The following DNM1L variants were observed in gnomAD, a reference collection of about 807,000 sequenced individuals.
DNM1L encodes dynamin-1-like protein.
In DNM1L, 33 loss-of-function variants were observed where a neutral mutation model predicts 92.8. The observed-to-expected ratio is 0.36, with a 90% confidence interval of 0.27 to 0.48. The LOEUF (loss-of-function observed/expected upper bound fraction) is 0.48. Ranked by LOEUF, DNM1L falls within the 20% of genes least tolerant of loss-of-function variation. The pLI, the probability that DNM1L is intolerant of heterozygous loss-of-function variation, is 0.99. For synonymous variants in DNM1L, 284 were observed against 305.0 expected, an observed-to-expected ratio of 0.93 and a Z score of 0.72; for missense variants, 485 against 888.8, an observed-to-expected ratio of 0.55 and a Z score of 5.78.
chr12:32,701,065 G>C lies in DNM1L; in HGVS notation c.103-350G>C, dbSNP rs138104138. Among the ~76,000 whole-genome samples the C allele has an allele frequency of 4.5e-3, 687 of 152,104 alleles. 8 individuals are homozygous for C. The highest frequency in any genetic ancestry group is 0.016 in the African/African-American group (646 of 41,492). On this transcript the variant is annotated intron_variant, in intron 1 of 19. Transcript: ENST00000549701. The stretch of plus-strand genomic sequence containing the variant: ...TGAGGCAGGTGGATCACCTGAGGTC[G>C]GGAGTTCGAGACCAGCCTAATCAAC...
Position 32,679,306 on chromosome 12 carries a change from C to A in DNM1L, c.-58C>A. 1 of 1,229,936 alleles carries A rather than the reference C, an allele frequency of 8.1e-7. No individual in the cohort carries two copies. Among genetic ancestry groups the A allele is most frequent in the Non-Finnish European group, 1.2e-6 (1 of 842,064 alleles). The allele number at this position is 1,229,936 out of a possible 1,614,324, so 76.2% of individuals were successfully genotyped here. A position where few individuals can be genotyped will look rare whatever the true frequency, so the allele number is the denominator to read the frequency against. ...GAGGAGGAAGGAGGCGAACTGTGGGCCCCGGCCCCATTCATTGCCGTGGCC... is the reference window on the plus strand; with the variant it reads ...GAGGAGGAAGGAGGCGAACTGTGGGACCCGGCCCCATTCATTGCCGTGGCC... On this transcript the variant is annotated 5_prime_UTR_variant, in exon 1 of 20. Coordinates refer to ENST00000549701, the MANE Select transcript of DNM1L (RefSeq NM_012062.5).
intron 12 of DNM1L, chr12:32,732,698 C>A: frequency 2.4e-6 from 1 of 417,032 alleles, no homozygotes; most frequent in Non-Finnish European, 4.7e-6. Flanking sequence ...AATCATTGGA[C>A]CTTCATTTTA....
intron 2 of DNM1L, among the ~76,000 whole-genome samples, chr12:32,703,202 C>T (rs896059621): frequency 1.3e-5 from 2 of 151,936 alleles, no homozygotes; most frequent in African/African-American, 4.8e-5. Flanking sequence ...TTTCAGCTAT[C>T]GTAGTGTCAG....
chr12:32,741,515 C>T (rs893654499), intron 18 of DNM1L, among the ~76,000 whole-genome samples: 1 of 152,288 alleles, frequency 6.6e-6, no homozygotes, highest in Non-Finnish European at 1.5e-5. Flanking sequence ...GAACTCCTGA[C>T]GTCAGGTGAT....
chr12:32,735,121 T>A (rs1028112493), intron 13 of DNM1L, among the ~76,000 whole-genome samples: 1 of 152,252 alleles, frequency 6.6e-6, no homozygotes, highest in African/African-American at 2.4e-5. Flanking sequence ...GCGGTAGTTC[T>A]GTTACACTGA....
intron 2 of DNM1L, chr12:32,707,124 G>T: frequency 2.4e-6 from 1 of 411,398 alleles, no homozygotes; most frequent in East Asian, 4.0e-5. Context: ...AGACCTGTGA[G>T]CAGCTCTGCC....
At chr12:32,702,067 C>G (rs955102376) in intron 2 of DNM1L, among the ~76,000 whole-genome samples, 1 of 151,328 alleles carries the variant, frequency 6.6e-6, no homozygotes, top group Non-Finnish European at 1.5e-5. Context: ...AACCCCGTCT[C>G]TGCTAAAAAT....
In DNM1L at chr12:32,730,939, T is replaced by G. The variant is rs1954515546; in HGVS notation, c.1080-75T>G. 12 of 1,600,564 alleles carry G rather than the reference T, an allele frequency of 7.5e-6. No individual in the cohort carries two copies. In the South Asian group the frequency reaches 1.3e-4, roughly 18 times the overall value. ...CAGAAAATAAGATGAGCTTAAAGCTTCTAGAAAGACTTCTAACTTGTATCT... is the reference window on the plus strand; with the variant it reads ...CAGAAAATAAGATGAGCTTAAAGCTGCTAGAAAGACTTCTAACTTGTATCT... On this transcript the variant is annotated intron_variant, in intron 9 of 19. Coordinates refer to ENST00000549701, the MANE Select transcript of DNM1L (RefSeq NM_012062.5).
chr12:32,700,771 A>C (rs763539058), intron 1 of DNM1L, among the ~76,000 whole-genome samples: 5 of 152,126 alleles, frequency 3.3e-5, no homozygotes, highest in Non-Finnish European at 7.3e-5. Context: ...AGAAGGTTAG[A>C]GAAAAAGATA....
At chr12:32,679,521 G>T in intron 1 of DNM1L, 56 bp downstream of exon 1, 2 of 1,543,138 alleles carry the variant, frequency 1.3e-6, no homozygotes, top group Non-Finnish European at 8.9e-7. Flanking sequence ...GGCCTGGTCG[G>T]TGCTGCGGCA....
chr12:32,733,555 C>A, intron 12 of DNM1L, 160 bp from the exon 13 acceptor site: 2 of 640,704 alleles, frequency 3.1e-6, no homozygotes, highest in African/African-American at 1.8e-5. Context: ...TATTGTTTGG[C>A]ATAAGATTTA....
At chr12:32,718,296 T>C (rs1411183569) in intron 6 of DNM1L, among the ~76,000 whole-genome samples, 1 of 151,260 alleles carries the variant, frequency 6.6e-6, no homozygotes, top group Non-Finnish European at 1.5e-5. Context: ...CGTCTGCCAC[T>C]GTGCCTGGCT....
At chr12:32,708,511 A>G (rs1565508635) in intron 4 of DNM1L, among the ~76,000 whole-genome samples, 1 of 152,148 alleles carries the variant, frequency 6.6e-6, no homozygotes, top group Non-Finnish European at 1.5e-5. Context: ...ATGCCACATT[A>G]TTATATAATT....
At chr12:32,739,120 A>G (rs1236009582) in intron 16 of DNM1L, among the ~76,000 whole-genome samples, 1 of 151,996 alleles carries the variant, frequency 6.6e-6, no homozygotes, top group Non-Finnish European at 1.5e-5. Context: ...TACTACTTAT[A>G]TTTAAATGTA....
At chr12:32,726,897 C>T (rs1954185786) in intron 9 of DNM1L, 10 of 671,280 alleles carry the variant, frequency 1.5e-5, no homozygotes, top group Non-Finnish European at 2.7e-5. Flanking sequence ...AAAATATTTA[C>T]TGGGTTCAAA....
rs527431383 is a variant in DNM1L, at chr12:32,684,795, A to G, written c.102+5330A>G. On this transcript the variant is annotated intron_variant, in intron 1 of 19. Coordinates refer to ENST00000549701, the MANE Select transcript of DNM1L (RefSeq NM_012062.5). ...TTTTTAGGTTCATCCATTATGTAGC[A>G]TGGCAGAATAATAAATATTACATTG... Among the ~76,000 whole-genome samples the G allele has an allele frequency of 4.6e-5, 7 of 152,320 alleles. No individual in the cohort carries two copies. The South Asian group carries it at 1.0e-3, about 23-fold the overall frequency.
intron 1 of DNM1L, chr12:32,679,676 G>T: frequency 7.9e-7 from 1 of 1,264,170 alleles, no homozygotes; most frequent in Non-Finnish European, 9.9e-7. Context: ...AGAATCCGGG[G>T]CCCGGCCAGG....
chr12:32,742,353 G>A (rs1439894228), intron 18 of DNM1L, among the ~76,000 whole-genome samples: 7 of 152,048 alleles, frequency 4.6e-5, no homozygotes, highest in African/African-American at 1.7e-4. Context: ...GTCCACCCGC[G>A]TCAGCCTCCC....
intron 14 of DNM1L, 100 bp downstream of exon 14, chr12:32,737,261 C>G: frequency 4.2e-6 from 5 of 1,190,926 alleles, no homozygotes; most frequent in Non-Finnish European, 6.1e-6. Context: ...TTCTTTTCCT[C>G]CCTTTAACAC....
Sources: allele counts gnomAD v4.1 joint callset (sites outside exome capture counted in the v4.1 genomes callset), GRCh38; gene constraint gnomAD v4.1.1; transcripts MANE v1.5; gene names NCBI Gene and HGNC (gene_info 2026-07-23, HGNC 2026-07-21).